RAP1GDS1: variants seen among roughly 807,000 people sequenced by gnomAD.
RAP1GDS1 encodes Rap1 GTPase-GDP dissociation stimulator 1.
In RAP1GDS1, 35 loss-of-function variants were observed where a neutral mutation model predicts 71.1. The ratio of observed to expected loss-of-function variants is 0.49; its 90% CI spans 0.38 to 0.65. The LOEUF is 0.65. Among genes scored for constraint, RAP1GDS1 ranks in the 30% least tolerant of loss-of-function variants. RAP1GDS1 has a pLI of 0.00. For synonymous variants in RAP1GDS1, 229 were observed against 243.1 expected, an observed-to-expected ratio of 0.94 and a Z score of 0.54; for missense variants, 663 against 706.1, an observed-to-expected ratio of 0.94 and a Z score of 0.69.
At chr4:98,391,822 T>A (rs1743719419) in intron 5 of RAP1GDS1, 130 bp from the exon 6 acceptor site, 1 of 917,884 alleles carries the variant, frequency 1.1e-6, no homozygotes, top group Non-Finnish European at 1.5e-6. Context: ...ATGGACTTCA[T>A]TTTCTATTAC....
In RAP1GDS1 at chr4:98,416,736, G is replaced by T. The variant is rs940009912; in HGVS notation, c.764-9G>T. 6.3e-7 allele frequency: 1 copy of T among 1,586,576 alleles called. No homozygotes were observed. On this transcript the variant is annotated splice_polypyrimidine_tract_variant and intron_variant, in intron 7 of 14. Transcript: ENST00000408927. ...AAAGTTTGATTATTTTGTTCACGTTGTTCTTTAGATGCTATTAAACTACAG... is the reference window on the plus strand; with the variant it reads ...AAAGTTTGATTATTTTGTTCACGTTTTTCTTTAGATGCTATTAAACTACAG...
chr4:98,421,232 T>C, intron 11 of RAP1GDS1, 23 bp from the exon 12 acceptor site: 1 of 1,586,526 alleles, frequency 6.3e-7, no homozygotes, highest in South Asian at 1.2e-5. Flanking sequence ...GATTCATTCC[T>C]TGGTTTGCCT....
chr4:98,370,074 A>G (rs541934550), intron 4 of RAP1GDS1, among the ~76,000 whole-genome samples: 1 of 148,448 alleles, frequency 6.7e-6, no homozygotes, highest in Admixed American at 6.8e-5. Flanking sequence ...TGCTTAAATT[A>G]TATGTTTTCC....
At chr4:98,413,534 A>G (rs1747414875) in intron 7 of RAP1GDS1, among the ~76,000 whole-genome samples, 1 of 152,156 alleles carries the variant, frequency 6.6e-6, no homozygotes, top group Non-Finnish European at 1.5e-5. Flanking sequence ...CCATGTCACT[A>G]CAAAGGACAT....
rs781454281 is a variant in RAP1GDS1, at chr4:98,442,767, A to G, written c.*650A>G. 2.2e-5 allele frequency: 5 copies of G among 228,858 alleles called. No homozygotes were observed. In the East Asian group the frequency reaches 3.1e-4, roughly 14 times the overall value. The allele number at this position is 228,858 out of a possible 1,614,324, so 14.2% of individuals were successfully genotyped here. A position where few individuals can be genotyped will look rare whatever the true frequency, so the allele number is the denominator to read the frequency against. The stretch of plus-strand genomic sequence containing the variant: ...TTCCATATTTAATTGACTATTATCA[A>G]TAGCCTGATATTGAAAAACATTTGT... On this transcript the variant is annotated 3_prime_UTR_variant, in exon 15 of 15. Transcript: ENST00000408927.
At chr4:98,330,057 A>T (rs2110363806) in intron 2 of RAP1GDS1, among the ~76,000 whole-genome samples, 1 of 152,268 alleles carries the variant, frequency 6.6e-6, no homozygotes, top group East Asian at 1.9e-4. Context: ...TGGTTTTCCT[A>T]GGCAGCACAT....
chr4:98,437,913 T>C (rs1269690719), intron 14 of RAP1GDS1, among the ~76,000 whole-genome samples: 1 of 152,144 alleles, frequency 6.6e-6, no homozygotes, highest in Admixed American at 6.5e-5. Flanking sequence ...AGTTATTGGG[T>C]ACTGTTGTAT....
chr4:98,334,926 A>G (rs1243091420), intron 2 of RAP1GDS1, among the ~76,000 whole-genome samples: 1 of 151,710 alleles, frequency 6.6e-6, no homozygotes, highest in Non-Finnish European at 1.5e-5. Flanking sequence ...GCAAAAAAAA[A>G]AAAAAAAAGA....
At chr4:98,397,771 G>T (rs986782493) in intron 6 of RAP1GDS1, among the ~76,000 whole-genome samples, 2 of 152,096 alleles carry the variant, frequency 1.3e-5, no homozygotes, top group African/African-American at 4.8e-5. Context: ...TATGCTTCTT[G>T]TCAGGATGGA....
chr4:98,372,995 T>G (rs1324506338), intron 4 of RAP1GDS1, among the ~76,000 whole-genome samples: 3 of 152,222 alleles, frequency 2.0e-5, no homozygotes, highest in Non-Finnish European at 4.4e-5. Flanking sequence ...TGGCCTGTTT[T>G]TACTTTAGAC....
intron 1 of RAP1GDS1, among the ~76,000 whole-genome samples, chr4:98,269,975 T>C (rs1038384733): frequency 6.6e-6 from 1 of 152,290 alleles, no homozygotes; most frequent in Non-Finnish European, 1.5e-5. Context: ...CTGGGTAATA[T>C]ATAAAGAACA....
At chr4:98,306,210 C>T (rs747832335) in intron 2 of RAP1GDS1, among the ~76,000 whole-genome samples, 1 of 152,090 alleles carries the variant, frequency 6.6e-6, no homozygotes. Context: ...AACAGAATAC[C>T]ACACACCGGC....
chr4:98,349,567 A>G (rs1228239714), intron 3 of RAP1GDS1, among the ~76,000 whole-genome samples: 2 of 152,156 alleles, frequency 1.3e-5, no homozygotes, highest in Admixed American at 6.5e-5. Context: ...CAGTATGGCC[A>G]TTTTCACGAT....
chr4:98,380,274 T>C (rs1178494306), intron 5 of RAP1GDS1, among the ~76,000 whole-genome samples: 1 of 151,744 alleles, frequency 6.6e-6, no homozygotes, highest in Non-Finnish European at 1.5e-5. Context: ...GCCCAATCTT[T>C]ATATTTTGGG....
At position 98,342,485 on chromosome 4, in the gene RAP1GDS1, C is replaced by T. The variant is rs957522736; in HGVS notation, c.113-654C>T. Among the ~76,000 whole-genome samples, 3 of 137,952 alleles carry T rather than the reference C, an allele frequency of 2.2e-5. No individual in the cohort carries two copies. In the South Asian group the frequency reaches 6.9e-4, roughly 32 times the overall value. The allele number at this position is 137,952 out of a possible 152,430, so 90.5% of individuals were successfully genotyped here. ...CATGAAGTAGCTTGTTTTTATAGGC[C>T]CATTATTTGTATTTTAACAAGGAAA... On this transcript the variant is annotated intron_variant, in intron 2 of 14. Coordinates refer to ENST00000408927, the MANE Select transcript of RAP1GDS1 (RefSeq NM_001100427.2).
intron 14 of RAP1GDS1, chr4:98,441,203 T>C: frequency 1.7e-5 from 7 of 405,994 alleles, no homozygotes; most frequent in Non-Finnish European, 2.3e-5. Context: ...GTCAGTCATA[T>C]CAAAATAAAC....
At chr4:98,381,748 T>G (rs1420470981) in intron 5 of RAP1GDS1, among the ~76,000 whole-genome samples, 1 of 151,618 alleles carries the variant, frequency 6.6e-6, no homozygotes, top group Non-Finnish European at 1.5e-5. Flanking sequence ...AAAAGTTAAC[T>G]GCCTTGGACC....
In RAP1GDS1 at chr4:98,442,170, A is replaced by G; in HGVS notation, c.*53A>G. ...ATCTCTAATTTCCCCTCTGTCCTCCATCCAGCGGCTTCTTCCGCTTCATTC... is the reference window on the plus strand; with the variant it reads ...ATCTCTAATTTCCCCTCTGTCCTCCGTCCAGCGGCTTCTTCCGCTTCATTC... On this transcript the variant is annotated 3_prime_UTR_variant, in exon 15 of 15. Coordinates refer to ENST00000408927, the MANE Select transcript of RAP1GDS1 (RefSeq NM_001100427.2). 6.3e-7 allele frequency: 1 copy of G among 1,591,940 alleles called. No homozygotes were observed. Among genetic ancestry groups the G allele is most frequent in the Non-Finnish European group, 8.5e-7 (1 of 1,171,582 alleles).
At position 98,404,589 on chromosome 4, in the gene RAP1GDS1, A is replaced by G; in HGVS notation, c.750A>G (p.Pro250=). 1.3e-6 allele frequency: 2 copies of G among 1,599,704 alleles called. No homozygotes were observed. Among genetic ancestry groups the G allele is most frequent in the East Asian group, 2.3e-5 (1 of 44,276 alleles). The change falls in exon 7 of 15, where the codon CCA becomes CCG. Residue 250 remains proline, a synonymous_variant. Coordinates refer to ENST00000408927, the MANE Select transcript of RAP1GDS1 (RefSeq NM_001100427.2). ...AAATGATTTTTGAAGTTCTTGCTCC[A>G]TTGGCAGAAAATGGTGAGAAACTTA... ...KREMIFEVLA[P]LAENDAIKLQ...
Sources: allele counts gnomAD v4.1 joint callset (sites outside exome capture counted in the v4.1 genomes callset), GRCh38; gene constraint gnomAD v4.1.1; transcripts MANE v1.5; gene names NCBI Gene and HGNC (gene_info 2026-07-23, HGNC 2026-07-21).